Variants in CAPN3 observed in about 807,000 individuals in gnomAD.
CAPN3 encodes calpain 3.
CAPN3 carries 88 observed loss-of-function variants against 114.0 expected under a neutral mutation model. The observed-to-expected ratio is 0.77, with a 90% CI of 0.65 to 0.92. The LOEUF is 0.92. Among genes scored for constraint, CAPN3 ranks in the 40% least tolerant of loss-of-function variants. The probability of loss-of-function intolerance (pLI) is 0.00; values close to 1 mark genes in which losing one functional copy is unlikely to be tolerated. For missense variants in CAPN3, 1,028 were observed against 1,069.0 expected, an observed-to-expected ratio of 0.96 and a Z score of 0.53; for synonymous variants, 386 against 382.9, an observed-to-expected ratio of 1.01 and a Z score of -0.09.
chr15:42,399,236 A>T (rs2053795749), intron 9 of CAPN3, among the ~76,000 whole-genome samples: 2 of 152,024 alleles, frequency 1.3e-5, no homozygotes, highest in South Asian at 4.2e-4. Context: ...GCTCTCACAT[A>T]TGAGTGAGAG....
rs546820887 is a variant in CAPN3, at chr15:42,402,930, C to T, written c.1673C>T (p.Pro558Leu). The change falls in exon 13 of 24, where the codon CCC (proline) becomes CTC (leucine). Residue 558 changes from proline to leucine, a missense_variant. Coordinates refer to ENST00000397163, the MANE Select transcript of CAPN3 (RefSeq NM_000070.3). ...RLPPSEYVIVPSTYEPHQEGE... is the reference protein window; with the variant it reads ...RLPPSEYVIVLSTYEPHQEGE... ...CCTCCCAGCGAGTACGTCATCGTGC[C>T]CTCCACCTACGAGCCCCACCAGGAG... The T allele has an allele frequency of 1.9e-6, 3 of 1,614,204 alleles. No homozygotes were observed. In the Admixed American group the frequency reaches 5.0e-5, roughly 27 times the overall value.
rs115599778 is a variant in CAPN3, at chr15:42,377,068, G to T, written c.310-7415G>T. ...TATTAGTTCCCAGTGGATTTTTTTG[G>T]GTCATTTGTTTGGAATTTTCTACAT... is the stretch of plus-strand genomic sequence containing the variant. On this transcript the variant is annotated intron_variant, in intron 1 of 23. Coordinates refer to ENST00000397163, the MANE Select transcript of CAPN3 (RefSeq NM_000070.3). 8.7e-3 allele frequency among the ~76,000 whole-genome samples: 1,318 copies of T among 151,878 alleles called. 18 individuals carry two copies. The highest frequency in any genetic ancestry group is 0.03 in the African/African-American group (1,255 of 41,444).
At chr15:42,372,163 A>C (rs933145841) in intron 1 of CAPN3, among the ~76,000 whole-genome samples, 1 of 150,960 alleles carries the variant, frequency 6.6e-6, no homozygotes. Flanking sequence ...CATCTTTAAC[A>C]TTTTTTTTTC....
chr15:42,367,647 A>G (rs2052823029), intron 1 of CAPN3, among the ~76,000 whole-genome samples: 1 of 152,208 alleles, frequency 6.6e-6, no homozygotes, highest in African/African-American at 2.4e-5. Flanking sequence ...AGAGAAAAGG[A>G]TGGCTCCATC....
intron 18 of CAPN3, 42 bp from the exon 19 acceptor site, chr15:42,409,889 C>T (rs767794012): frequency 5.0e-5 from 81 of 1,610,288 alleles, no homozygotes; most frequent in East Asian, 8.9e-5. Flanking sequence ...TGGGGAGTCC[C>T]GTTGTCTCAA....
chr15:42,387,636 G>C, intron 3 of CAPN3, 117 bp from the exon 4 acceptor site: 2 of 1,270,452 alleles, frequency 1.6e-6, no homozygotes, highest in South Asian at 2.4e-5. Flanking sequence ...CCCAGATGCA[G>C]AGTCCAGGAA....
At position 42,364,495 on chromosome 15, in the gene CAPN3, A is replaced by G. The variant is rs78996331; in HGVS notation, c.309+4381A>G. Among the ~76,000 whole-genome samples the G allele has an allele frequency of 3.4e-4, 52 of 152,354 alleles. No individual in the cohort carries two copies. The East Asian group carries it at 9.8e-3, about 29-fold the overall frequency. On this transcript the variant is annotated intron_variant, in intron 1 of 23. Transcript: ENST00000397163. ...ATTTGTGCCTATGACCAGTCAAGAT[A>G]TTAGCTACAGCAATGTGTTTGAGTA...
Position 42,396,889 on chromosome 15 carries a change from AC to A in CAPN3, c.1193+15del. The A allele has an allele frequency of 6.3e-7, 1 of 1,586,492 alleles. No individual in the cohort carries two copies. Among genetic ancestry groups the A allele is most frequent in the Non-Finnish European group, 8.7e-7 (1 of 1,155,056 alleles). On this transcript the variant is annotated intron_variant, in intron 9 of 23. Coordinates refer to ENST00000397163, the MANE Select transcript of CAPN3 (RefSeq NM_000070.3). ...GATGGAGAGTTCTGGTGAGTCCAGA[AC>A]CCAGGAAGACCCAGAAGGGTAAGGG... is the stretch of plus-strand genomic sequence containing the variant.
In CAPN3 at chr15:42,389,683, G is replaced by A. The variant is rs115311588; in HGVS notation, c.802-270G>A. On this transcript the variant is annotated intron_variant, in intron 5 of 23. Coordinates refer to ENST00000397163, the MANE Select transcript of CAPN3 (RefSeq NM_000070.3). ...TATGATAATCTTAGTGGTTTCCATT[G>A]GGGAGGATGGGGCTGAAGCTGAATT... is the stretch of plus-strand genomic sequence containing the variant. Among the ~76,000 whole-genome samples, 1,127 of 152,296 alleles carry A rather than the reference G, an allele frequency of 7.4e-3. 10 individuals are homozygous for A. The highest frequency in any genetic ancestry group is 0.026 in the African/African-American group (1,090 of 41,556).
At chr15:42,379,410 T>C (rs2053179595) in intron 1 of CAPN3, among the ~76,000 whole-genome samples, 2 of 152,214 alleles carry the variant, frequency 1.3e-5, no homozygotes, top group Admixed American at 1.3e-4. Context: ...TGTTCTGCTA[T>C]TGTTGGATGT....
intron 1 of CAPN3, among the ~76,000 whole-genome samples, chr15:42,380,053 C>G (rs1055709998): frequency 3.9e-5 from 6 of 152,074 alleles, no homozygotes; most frequent in African/African-American, 1.4e-4. Flanking sequence ...GAGGCGGAGA[C>G]TGTGCCATTG....
At chr15:42,386,833 A>G (rs1031188040) in intron 3 of CAPN3, among the ~76,000 whole-genome samples, 4 of 152,210 alleles carry the variant, frequency 2.6e-5, no homozygotes, top group Admixed American at 6.5e-5. Flanking sequence ...TCTGGGTCCC[A>G]GTCACCTTGG....
At chr15:42,405,028 C>T in intron 14 of CAPN3, 5 of 986,972 alleles carry the variant, frequency 5.1e-6, no homozygotes, top group Non-Finnish European at 6.0e-6. Flanking sequence ...TCTCAATTGA[C>T]ATTTCGCTCC....
At chr15:42,368,512 A>G (rs968731847) in intron 1 of CAPN3, among the ~76,000 whole-genome samples, 9 of 152,196 alleles carry the variant, frequency 5.9e-5, no homozygotes, top group African/African-American at 2.2e-4. Context: ...TTAATGAATC[A>G]ATATTAAATA....
At chr15:42,385,680 C>T (rs762303601) in intron 2 of CAPN3, 14 of 520,082 alleles carry the variant, frequency 2.7e-5, no homozygotes, top group South Asian at 8.4e-5. Flanking sequence ...CCCCTATAGA[C>T]GGGTTCCAGG....
chr15:42,402,152 G>A lies in CAPN3; in HGVS notation c.1536+17G>A, dbSNP rs746146239. ...CCCAAAGAGGTATAGCAGCAGCAGC[G>A]GCCAGCAGTTGTGTGCAGCACTACC... On this transcript the variant is annotated intron_variant, in intron 12 of 23. Transcript: ENST00000397163. The A allele has an allele frequency of 8.7e-6, 14 of 1,613,866 alleles. No homozygotes were observed. The highest frequency in any genetic ancestry group is 2.7e-5 in the African/African-American group (2 of 74,862).
At position 42,386,205 on chromosome 15, in the gene CAPN3, C is replaced by T. The variant is rs760975555; in HGVS notation, c.418C>T (p.Leu140=). Residue 140 remains leucine, a synonymous_variant, in exon 3 of 24, where the codon CTG becomes TTG. Coordinates refer to ENST00000397163, the MANE Select transcript of CAPN3 (RefSeq NM_000070.3). ...TCTCGCAGCCATTGCCTGCCTGACCCTGAACCAGCACCTTCTTTTCCGAGT... is the reference window on the plus strand; with the variant it reads ...TCTCGCAGCCATTGCCTGCCTGACCTTGAACCAGCACCTTCTTTTCCGAGT... The part of the protein sequence containing the change: ...WFLAAIACLT[L]NQHLLFRVIP... 4.3e-6 allele frequency: 7 copies of T among 1,614,152 alleles called. No individual in the cohort carries two copies. The highest frequency in any genetic ancestry group is 1.6e-4 in the Middle Eastern group (1 of 6,062).
At chr15:42,395,424 G>A (rs1267509311) in intron 8 of CAPN3, among the ~76,000 whole-genome samples, 16 of 152,168 alleles carry the variant, frequency 1.1e-4, no homozygotes, top group Admixed American at 1.3e-4. Flanking sequence ...TTTAAGGTCC[G>A]GGGAAGGACA....
chr15:42,376,226 C>T (rs940359625), intron 1 of CAPN3, among the ~76,000 whole-genome samples: 1 of 152,104 alleles, frequency 6.6e-6, no homozygotes, highest in Non-Finnish European at 1.5e-5. Context: ...TACTTCTTCC[C>T]CTCTTTTCAT....
Sources: allele counts gnomAD v4.1 joint callset (sites outside exome capture counted in the v4.1 genomes callset), GRCh38; gene constraint gnomAD v4.1.1; transcripts MANE v1.5; gene names NCBI Gene and HGNC (gene_info 2026-07-23, HGNC 2026-07-21).